Variants in BICD1 observed in about 807,000 individuals in gnomAD.
BICD1 encodes the protein protein bicaudal D homolog 1.
In BICD1, 35 loss-of-function variants were observed where a neutral mutation model predicts 92.5. The observed-to-expected ratio is 0.38, with a 90% CI of 0.29 to 0.50. The LOEUF is 0.50. BICD1 is among the 20% of genes least tolerant of loss of function. The pLI is 0.93. For synonymous variants in BICD1, 429 were observed against 465.1 expected, an observed-to-expected ratio of 0.92 and a Z score of 1.00; for missense variants, 950 against 1,189.8, an observed-to-expected ratio of 0.80 and a Z score of 2.97.
At chr12:32,367,416 A>G in intron 8 of BICD1, 1 of 363,018 alleles carries the variant, frequency 2.8e-6, no homozygotes, top group Non-Finnish European at 5.0e-6. Context: ...GGCCACATAT[A>G]TCCTAATGTA....
intron 8 of BICD1, among the ~76,000 whole-genome samples, chr12:32,342,389 G>A (rs1938416624): frequency 6.6e-6 from 1 of 150,994 alleles, no homozygotes; most frequent in Non-Finnish European, 1.5e-5. Flanking sequence ...CGAGTAGCTG[G>A]GACTACAGGC....
Position 32,151,674 on chromosome 12 carries a change from G to A in BICD1, c.213+44130G>A, listed in dbSNP as rs531241167. Among the ~76,000 whole-genome samples, 44 of 152,324 alleles carry A rather than the reference G, an allele frequency of 2.9e-4. 1 individual carries two copies. In the South Asian group the frequency reaches 9.1e-3, roughly 32 times the overall value. On this transcript the variant is annotated intron_variant, in intron 1 of 9. Transcript: ENST00000652176. Reference sequence around the variant, plus strand: ...GGAGAGACATAGAAGGAAAGGAACAGAAATGCCAGTGGTGATAACAGGGAC... The same window carrying A: ...GGAGAGACATAGAAGGAAAGGAACAAAAATGCCAGTGGTGATAACAGGGAC...
At chr12:32,152,013 G>A (rs1943302755) in intron 1 of BICD1, among the ~76,000 whole-genome samples, 1 of 152,040 alleles carries the variant, frequency 6.6e-6, no homozygotes, top group African/African-American at 2.4e-5. Context: ...CTGGAGTGTA[G>A]TGGCGCGTTC....
chr12:32,132,784 G>A (rs562021289), intron 1 of BICD1, among the ~76,000 whole-genome samples: 6 of 152,294 alleles, frequency 3.9e-5, no homozygotes, highest in African/African-American at 1.2e-4. Context: ...CCGCCTGAGT[G>A]ATGTGATTTC....
At chr12:32,369,056 A>G (rs1444330356) in intron 9 of BICD1, among the ~76,000 whole-genome samples, 1 of 152,242 alleles carries the variant, frequency 6.6e-6, no homozygotes, top group African/African-American at 2.4e-5. Flanking sequence ...TCAAAAGATA[A>G]TATTTGCTGT....
chr12:32,198,323 CATCTATCTATATATATAT>C (rs1276165343), intron 1 of BICD1, among the ~76,000 whole-genome samples: 9 of 87,926 alleles, frequency 1.0e-4, no homozygotes, highest in South Asian at 4.0e-4. Context: ...GAATAATATG[CATCTATCTATATATATAT>C]ATATATATAT....
intron 4 of BICD1, among the ~76,000 whole-genome samples, chr12:32,310,394 A>T (rs1948341242): frequency 6.6e-6 from 1 of 152,106 alleles, no homozygotes; most frequent in South Asian, 2.1e-4. Flanking sequence ...CTGCCTTTGA[A>T]CGTAACTGGG....
intron 1 of BICD1, among the ~76,000 whole-genome samples, chr12:32,128,322 T>C (rs369457083): frequency 5.2e-4 from 79 of 152,358 alleles, no homozygotes; most frequent in Non-Finnish European, 9.0e-4. Flanking sequence ...TGAGGAAGCA[T>C]ATGCGTATTT....
chr12:32,338,874 C>T lies in BICD1; in HGVS notation c.2659C>T (p.Pro887Ser), dbSNP rs1938241450. 1 of 1,608,294 alleles carries T rather than the reference C, an allele frequency of 6.2e-7. No homozygotes were observed. Among genetic ancestry groups the T allele is most frequent in the Non-Finnish European group, 8.5e-7 (1 of 1,177,708 alleles). Reference sequence around the variant, plus strand: ...GAATTTATTAAGAGTTCCCCCTGATCCCACCTCCACAGAATCATTTCTTCT... The same window carrying T: ...GAATTTATTAAGAGTTCCCCCTGATTCCACCTCCACAGAATCATTTCTTCT... ...LQNLLRVPPD[P>S]TSTESFLLKG... The change falls in exon 8 of 10, where the codon CCC becomes TCC. Residue 887 changes from proline (P) to serine (S), a missense_variant. By Grantham distance (74) the Pro-to-Ser change is moderately conservative. This residue lies in a region of BICD1 where 179 missense variants were observed against 186.7 expected (regional missense o/e 0.96). Coordinates refer to ENST00000652176, the MANE Select transcript of BICD1 (RefSeq NM_001714.4).
intron 1 of BICD1, among the ~76,000 whole-genome samples, chr12:32,207,745 C>CAAAG (rs1421520580): frequency 9.9e-5 from 15 of 152,222 alleles, no homozygotes; most frequent in African/African-American, 3.4e-4. Context: ...AAGCTGCAAC[C>CAAAG]TTTGCTAATA....
chr12:32,374,081 G>T (rs1190973540), intron 9 of BICD1, among the ~76,000 whole-genome samples: 1 of 151,750 alleles, frequency 6.6e-6, no homozygotes, highest in Non-Finnish European at 1.5e-5. Flanking sequence ...AGGTGTGGTG[G>T]CGCAGGCCTG....
At chr12:32,165,953 T>C (rs1414711735) in intron 1 of BICD1, among the ~76,000 whole-genome samples, 1 of 152,022 alleles carries the variant, frequency 6.6e-6, no homozygotes, top group African/African-American at 2.4e-5. Flanking sequence ...TTGAGTTGTT[T>C]CTGTGAATTA....
At chr12:32,202,879 G>A (rs910010114) in intron 1 of BICD1, among the ~76,000 whole-genome samples, 3 of 152,176 alleles carry the variant, frequency 2.0e-5, no homozygotes, top group African/African-American at 7.2e-5. Context: ...CCCAAATGCT[G>A]GGATTATAGG....
At chr12:32,289,673 G>A (rs953836731) in intron 2 of BICD1, among the ~76,000 whole-genome samples, 2 of 152,182 alleles carry the variant, frequency 1.3e-5, no homozygotes, top group Non-Finnish European at 2.9e-5. Flanking sequence ...GTAAGCCACC[G>A]CACCCAGCCC....
chr12:32,209,400 T>C (rs1210796286), intron 1 of BICD1, among the ~76,000 whole-genome samples: 1 of 152,114 alleles, frequency 6.6e-6, no homozygotes, highest in East Asian at 1.9e-4. Flanking sequence ...CCTTAAGGTA[T>C]TTTCGTTATT....
chr12:32,332,443 T>C (rs933523422), intron 5 of BICD1: 2 of 983,250 alleles, frequency 2.0e-6, no homozygotes, highest in Non-Finnish European at 2.4e-6. Flanking sequence ...TACTTAAGGA[T>C]TTTTTCATAG....
intron 1 of BICD1, among the ~76,000 whole-genome samples, chr12:32,201,463 G>T (rs1269461685): frequency 6.6e-6 from 1 of 152,040 alleles, no homozygotes; most frequent in Admixed American, 6.6e-5. Flanking sequence ...AGTAAATATT[G>T]GAGGGAAGGA....
intron 1 of BICD1, among the ~76,000 whole-genome samples, chr12:32,197,358 T>C (rs557417621): frequency 4.6e-5 from 7 of 152,286 alleles, no homozygotes; most frequent in African/African-American, 1.4e-4. Context: ...TTTCAATTCT[T>C]ATTCTACCTA....
intron 2 of BICD1, among the ~76,000 whole-genome samples, chr12:32,283,026 A>G (rs1947461383): frequency 6.6e-6 from 1 of 152,214 alleles, no homozygotes; most frequent in South Asian, 2.1e-4. Context: ...TGTCTGCAGT[A>G]GAATGGAAGC....
Sources: allele counts gnomAD v4.1 joint callset (sites outside exome capture counted in the v4.1 genomes callset), GRCh38; gene constraint gnomAD v4.1.1; regional missense constraint gnomAD v4.1.1; transcripts MANE v1.5; gene names NCBI Gene and HGNC (gene_info 2026-07-23, HGNC 2026-07-21).